TCAP: variants seen among roughly 807,000 people sequenced by gnomAD.
TCAP encodes titin-cap.
Under a neutral mutation model 16.6 loss-of-function variants are expected in TCAP, and 14 were observed. That is an observed-to-expected ratio of 0.84 (90% CI 0.56 to 1.32). The LOEUF (loss-of-function observed/expected upper bound fraction) is 1.32. Among genes scored for constraint, TCAP ranks in the 40% most tolerant of loss-of-function variants. The pLI is 0.00. For synonymous variants in TCAP, 97 were observed against 93.2 expected (o/e 1.04, Z -0.23); for missense variants, 212 against 223.5 (o/e 0.95, Z 0.33).
chr17:39,665,473 A>G lies in TCAP; in HGVS notation c.110+4A>G, dbSNP rs2057247819. 1 of 1,611,732 alleles carries G rather than the reference A, an allele frequency of 6.2e-7. No homozygotes were observed. The highest frequency in any genetic ancestry group is 1.3e-5 in the African/African-American group (1 of 74,786). ...TGTCCACACGGCCCGAGGAGGGGTG[A>G]GTGTGGGTCTGCTAGAGCCCTGCCT... On this transcript the variant is annotated splice_donor_region_variant and intron_variant, in intron 1 of 1. Coordinates refer to ENST00000309889, the MANE Select transcript of TCAP (RefSeq NM_003673.4).
chr17:39,665,719 C>T lies in TCAP; in HGVS notation c.114C>T (p.Cys38=). The T allele has an allele frequency of 6.2e-7, 1 of 1,609,718 alleles. No homozygotes were observed. Among genetic ancestry groups the T allele is most frequent in the East Asian group, 2.2e-5 (1 of 44,822 alleles). Residue 38 remains cysteine, a synonymous_variant, in exon 2 of 2, where the codon TGC becomes TGT. Transcript: ENST00000309889. ...ACTGCCCCTCCCCTCTCCCCAGCTG[C>T]TCCCTGCATGAGGAGGACACCCAGA... ...LTLSTRPEEG[C]SLHEEDTQRH...
At position 39,665,748 on chromosome 17, in the gene TCAP, A is replaced by G. The variant is rs763037167; in HGVS notation, c.143A>G (p.His48Arg). Residue 48 changes from histidine (H) to arginine (R), a missense_variant, in exon 2 of 2, where the codon CAT (histidine) becomes CGT (arginine). Coordinates refer to ENST00000309889, the MANE Select transcript of TCAP (RefSeq NM_003673.4). ...CSLHEEDTQR[H>R]ETYHQQGQCQ... ...CTGCATGAGGAGGACACCCAGAGAC[A>G]TGAGACCTACCACCAGCAGGGGCAG... 1 of 1,611,058 alleles carries G rather than the reference A, an allele frequency of 6.2e-7. No individual in the cohort carries two copies. The highest frequency in any genetic ancestry group is 2.2e-5 in the East Asian group (1 of 44,846).
intron 1 of TCAP, 102 bp from the exon 2 acceptor site, chr17:39,665,600 AAAGGGGAACCACCC>A: frequency 7.1e-7 from 1 of 1,409,096 alleles, no homozygotes; most frequent in Non-Finnish European, 9.8e-7. Flanking sequence ...TGGGGAGAGC[AAAGGGGAACCACCC>A]TTCCTGCCCC....
rs1183717842 is a variant in TCAP at position 39,666,000 on chromosome 17, A to T, written c.395A>T (p.Glu132Val). Residue 132 changes from glutamate (E) to valine (V), a missense_variant, in exon 2 of 2, where the codon GAG (glutamate) becomes GTG (valine). Glu to Val is a moderately radical substitution (Grantham distance 121). Transcript: ENST00000309889. ...GGTGGCCAGTGTGTGGACCGCCAGGAGGTGGCTGAGATCACAAAGCAGCTG... is the reference window on the plus strand; with the variant it reads ...GGTGGCCAGTGTGTGGACCGCCAGGTGGTGGCTGAGATCACAAAGCAGCTG... The part of the protein sequence containing the change: ...ALGGQCVDRQ[E>V]VAEITKQLPP... 1.2e-6 allele frequency: 2 copies of T among 1,612,398 alleles called. No homozygotes were observed. The highest frequency in any genetic ancestry group is 1.7e-5 in the Admixed American group (1 of 60,026).
chr17:39,665,591 G>A, intron 1 of TCAP, 122 bp downstream of exon 1: 2 of 1,394,994 alleles, frequency 1.4e-6, no homozygotes, highest in Non-Finnish European at 9.9e-7. Context: ...AATGCCCCAT[G>A]GGGAGAGCAA....
At position 39,665,874 on chromosome 17, in the gene TCAP, C is replaced by T. The variant is rs727504427; in HGVS notation, c.269C>T (p.Pro90Leu). The T allele has an allele frequency of 2.7e-5, 43 of 1,611,378 alleles. No individual in the cohort carries two copies. Among genetic ancestry groups the T allele is most frequent in the Non-Finnish European group, 3.1e-5 (36 of 1,179,442 alleles). The change falls in exon 2 of 2, where the codon CCG becomes CTG. Residue 90 changes from proline to leucine, a missense_variant. By Grantham distance (98) the Pro-to-Leu change is moderately conservative. Coordinates refer to ENST00000309889, the MANE Select transcript of TCAP (RefSeq NM_003673.4). ...CAGCTGCCCTACCAGCGGGTACTGC[C>T]GCTGCCCATCTTCACCCCTGCCAAG... is the stretch of plus-strand genomic sequence containing the variant. ...EYQLPYQRVLPLPIFTPAKMG... is the reference protein window; with the variant it reads ...EYQLPYQRVLLLPIFTPAKMG...
In TCAP at chr17:39,665,852, C is replaced by G; in HGVS notation, c.247C>G (p.Leu83Val). Residue 83 changes from leucine (L) to valine (V), a missense_variant, in exon 2 of 2, where the codon CTG (leucine) becomes GTG (valine). Coordinates refer to ENST00000309889, the MANE Select transcript of TCAP (RefSeq NM_003673.4). ...ILGRGLQEYQ[L>V]PYQRVLPLPI... is the part of the protein sequence containing the mutation. Reference sequence around the variant, plus strand: ...CGGCCGTGGGCTGCAGGAGTACCAGCTGCCCTACCAGCGGGTACTGCCGCT... The same window carrying G: ...CGGCCGTGGGCTGCAGGAGTACCAGGTGCCCTACCAGCGGGTACTGCCGCT... The G allele has an allele frequency of 1.2e-6, 2 of 1,610,326 alleles. No individual in the cohort carries two copies. The highest frequency in any genetic ancestry group is 1.7e-6 in the Non-Finnish European group (2 of 1,178,826).
rs769800632 is a variant in TCAP at position 39,666,041 on chromosome 17, G to C, written c.436G>C (p.Val146Leu). ...ITKQLPPVVPVSKPGALRRSL... is the reference protein window; with the variant it reads ...ITKQLPPVVPLSKPGALRRSL... ...AAAGCAGCTGCCCCCTGTGGTGCCT[G>C]TCAGCAAGCCCGGTGCACTTCGTCG... Residue 146 changes from valine (V) to leucine (L), a missense_variant, in exon 2 of 2, where the codon GTC (valine) becomes CTC (leucine). Coordinates refer to ENST00000309889, the MANE Select transcript of TCAP (RefSeq NM_003673.4). The C allele has an allele frequency of 6.2e-7, 1 of 1,609,478 alleles. No individual in the cohort carries two copies. The highest frequency in any genetic ancestry group is 8.5e-7 in the Non-Finnish European group (1 of 1,179,928).
chr17:39,665,813 C>T lies in TCAP; in HGVS notation c.208C>T (p.Arg70Trp), dbSNP rs775636212. 56 of 1,606,332 alleles carry T rather than the reference C, an allele frequency of 3.5e-5. No homozygotes were observed. The highest frequency in any genetic ancestry group is 1.7e-4 in the Middle Eastern group (1 of 6,008). The change falls in exon 2 of 2, where the codon CGG becomes TGG. Residue 70 changes from arginine (R) to tryptophan (W), a missense_variant. Physicochemically the swap from Arg to Trp is moderately radical, Grantham distance 101. Coordinates refer to ENST00000309889, the MANE Select transcript of TCAP (RefSeq NM_003673.4). ...LVQRSPWLMM[R>W]MGILGRGLQE... is the part of the protein sequence containing the mutation. ...GCAGCGCTCGCCCTGGCTGATGATGCGGATGGGCATCCTCGGCCGTGGGCT... is the reference window on the plus strand; with the variant it reads ...GCAGCGCTCGCCCTGGCTGATGATGTGGATGGGCATCCTCGGCCGTGGGCT...
intron 1 of TCAP, 28 bp downstream of exon 1, chr17:39,665,497 C>T: frequency 1.3e-6 from 2 of 1,598,332 alleles, no homozygotes; most frequent in Non-Finnish European, 1.7e-6. Flanking sequence ...AGAGCCCTGC[C>T]TCTGCTCCCC....
Position 39,666,423 on chromosome 17 carries a change from T to A in TCAP, c.*314T>A. On this transcript the variant is annotated 3_prime_UTR_variant, in exon 2 of 2. Coordinates refer to ENST00000309889, the MANE Select transcript of TCAP (RefSeq NM_003673.4). ...GGAGTGGCCCTGATCCAGGAAAATG[T>A]GAGGGGAATCTGGAACGCTCTAGGC... 2.1e-6 allele frequency: 1 copy of A among 480,642 alleles called. No individual in the cohort carries two copies. The highest frequency in any genetic ancestry group is 3.8e-6 in the Non-Finnish European group (1 of 261,160). The allele number at this position is 480,642 out of a possible 1,614,324, so 29.8% of individuals were successfully genotyped here. A position where few individuals can be genotyped will look rare whatever the true frequency, so the allele number is the denominator to read the frequency against.
rs2057256873 is a variant in TCAP, at chr17:39,666,487, A to C, written c.*378A>C. ...AGGGAGGGGGAGGTGAAAAGGGCAG[A>C]GGCAAGGATGGTGGGGCCCCCAGCA... On this transcript the variant is annotated 3_prime_UTR_variant, in exon 2 of 2. Transcript: ENST00000309889. 3.1e-6 allele frequency: 1 copy of C among 327,210 alleles called. No individual in the cohort carries two copies. Among genetic ancestry groups the C allele is most frequent in the Admixed American group, 4.1e-5 (1 of 24,382 alleles). The allele number at this position is 327,210 out of a possible 1,614,324, so 20.3% of individuals were successfully genotyped here.
In TCAP at chr17:39,665,768, G is replaced by C; in HGVS notation, c.163G>C (p.Gly55Arg). 8 of 1,610,292 alleles carry C rather than the reference G, an allele frequency of 5.0e-6. No homozygotes were observed. The highest frequency in any genetic ancestry group is 6.8e-6 in the Non-Finnish European group (8 of 1,178,754). Residue 55 changes from glycine to arginine, a missense_variant, in exon 2 of 2, where the codon GGG becomes CGG. Coordinates refer to ENST00000309889, the MANE Select transcript of TCAP (RefSeq NM_003673.4). ...TQRHETYHQQ[G>R]QCQVLVQRSP... is the part of the protein sequence containing the mutation. ...GAGACATGAGACCTACCACCAGCAG[G>C]GGCAGTGCCAGGTGCTGGTGCAGCG...
At position 39,665,825 on chromosome 17, in the gene TCAP, C is replaced by T; in HGVS notation, c.220C>T (p.Leu74Phe). The stretch of plus-strand genomic sequence containing the variant: ...CTGGCTGATGATGCGGATGGGCATC[C>T]TCGGCCGTGGGCTGCAGGAGTACCA... ...SPWLMMRMGI[L>F]GRGLQEYQLP... The change falls in exon 2 of 2, where the codon CTC (leucine) becomes TTC (phenylalanine). Residue 74 changes from leucine to phenylalanine, a missense_variant. Leu to Phe is a conservative substitution (Grantham distance 22). Coordinates refer to ENST00000309889, the MANE Select transcript of TCAP (RefSeq NM_003673.4). The T allele has an allele frequency of 1.2e-6, 2 of 1,607,090 alleles. No individual in the cohort carries two copies. Among genetic ancestry groups the T allele is most frequent in the Non-Finnish European group, 1.7e-6 (2 of 1,176,788 alleles).
chr17:39,665,521 C>T, intron 1 of TCAP, 52 bp downstream of exon 1: 2 of 1,557,886 alleles, frequency 1.3e-6, no homozygotes, highest in Non-Finnish European at 1.8e-6. Flanking sequence ...AGCACCCTCA[C>T]TGAGCCATGA....
rs1181877244 is a variant in TCAP, at chr17:39,665,739, C to T, written c.134C>T (p.Thr45Ile). The T allele has an allele frequency of 1.2e-6, 2 of 1,610,876 alleles. No individual in the cohort carries two copies. The highest frequency in any genetic ancestry group is 3.3e-5 in the Admixed American group (2 of 59,776). The change falls in exon 2 of 2, where the codon ACC becomes ATC. Residue 45 changes from threonine to isoleucine, a missense_variant. Transcript: ENST00000309889. ...AGCTGCTCCCTGCATGAGGAGGACA[C>T]CCAGAGACATGAGACCTACCACCAG... is the stretch of plus-strand genomic sequence containing the variant. ...EEGCSLHEED[T>I]QRHETYHQQG...
chr17:39,665,972 C>G lies in TCAP; in HGVS notation c.367C>G (p.Leu123Val). 6.2e-7 allele frequency: 1 copy of G among 1,612,930 alleles called. No individual in the cohort carries two copies. The highest frequency in any genetic ancestry group is 8.5e-7 in the Non-Finnish European group (1 of 1,179,976). The change falls in exon 2 of 2, where the codon CTG (leucine) becomes GTG (valine). Residue 123 changes from leucine (L) to valine (V), a missense_variant. Coordinates refer to ENST00000309889, the MANE Select transcript of TCAP (RefSeq NM_003673.4). ...LQELLALETA[L>V]GGQCVDRQEV... ...GGAGCTGCTGGCGCTGGAGACAGCCCTGGGTGGCCAGTGTGTGGACCGCCA... is the reference window on the plus strand; with the variant it reads ...GGAGCTGCTGGCGCTGGAGACAGCCGTGGGTGGCCAGTGTGTGGACCGCCA...
rs1202719855 is a variant in TCAP, at chr17:39,665,732, G to C, written c.127G>C (p.Glu43Gln). The C allele has an allele frequency of 6.2e-7, 1 of 1,610,760 alleles. No individual in the cohort carries two copies. Residue 43 changes from glutamate to glutamine, a missense_variant, in exon 2 of 2, where the codon GAG (glutamate) becomes CAG (glutamine). Coordinates refer to ENST00000309889, the MANE Select transcript of TCAP (RefSeq NM_003673.4). ...RPEEGCSLHE[E>Q]DTQRHETYHQ... ...TCTCCCCAGCTGCTCCCTGCATGAG[G>C]AGGACACCCAGAGACATGAGACCTA...
Position 39,666,117 on chromosome 17 carries a change from T to C in TCAP, c.*8T>C, listed in dbSNP as rs1264781141. ...GAAGCACAGAGAGGCTGAGAGGGAC[T>C]GTGACTTGGGCTCCGCTGTGCCCGC... On this transcript the variant is annotated 3_prime_UTR_variant, in exon 2 of 2. Transcript: ENST00000309889. The C allele has an allele frequency of 1.3e-6, 2 of 1,599,198 alleles. No individual in the cohort carries two copies. The highest frequency in any genetic ancestry group is 2.7e-5 in the African/African-American group (2 of 74,912).
Sources: allele counts gnomAD v4.1 joint callset, GRCh38; gene constraint gnomAD v4.1.1; transcripts MANE v1.5; gene names NCBI Gene and HGNC (gene_info 2026-07-23, HGNC 2026-07-21).